Variants in CTNNBL1 observed in about 807,000 individuals in gnomAD.
The protein encoded by CTNNBL1 is beta-catenin-like protein 1.
In CTNNBL1, 31 loss-of-function variants were observed where a neutral mutation model predicts 72.7. That is an observed-to-expected ratio of 0.43 (90% confidence interval 0.32 to 0.58). The LOEUF (loss-of-function observed/expected upper bound fraction) is 0.58, where lower values mean the gene tolerates loss of function less well. Among genes scored for constraint, CTNNBL1 ranks in the 20% least tolerant of loss-of-function variants. CTNNBL1 has a pLI of 0.08. For synonymous variants in CTNNBL1, 240 were observed against 267.3 expected (o/e 0.90, Z 1.00); for missense variants, 534 against 725.1 (o/e 0.74, Z 3.03).
At chr20:37,727,275 T>A in intron 1 of CTNNBL1, 1 of 895,534 alleles carries the variant, frequency 1.1e-6, no homozygotes, top group South Asian at 5.1e-5. Flanking sequence ...AAAGCTTTCA[T>A]GAAGATGTCT....
chr20:37,777,050 T>C (rs2073579858), intron 7 of CTNNBL1, among the ~76,000 whole-genome samples: 1 of 152,226 alleles, frequency 6.6e-6, no homozygotes, highest in Non-Finnish European at 1.5e-5. Flanking sequence ...ATTTGGGTAC[T>C]ATGGGCTAGA....
At chr20:37,758,363 G>A (rs1403388581) in intron 5 of CTNNBL1, among the ~76,000 whole-genome samples, 1 of 152,240 alleles carries the variant, frequency 6.6e-6, no homozygotes, top group Non-Finnish European at 1.5e-5. Context: ...CTAACCCAGA[G>A]GAGTTGGTCT....
At chr20:37,743,420 A>G (rs1025613011) in intron 3 of CTNNBL1, among the ~76,000 whole-genome samples, 2 of 152,078 alleles carry the variant, frequency 1.3e-5, no homozygotes, top group East Asian at 1.9e-4. Flanking sequence ...AAAATAATCT[A>G]TTTGCAAGCA....
chr20:37,790,579 A>G (rs2073715354), intron 10 of CTNNBL1, among the ~76,000 whole-genome samples: 1 of 152,164 alleles, frequency 6.6e-6, no homozygotes, highest in African/African-American at 2.4e-5. Context: ...CCTGTTCTCT[A>G]GGAACCAGAA....
chr20:37,820,435 C>G (rs540004152), intron 11 of CTNNBL1, among the ~76,000 whole-genome samples: 11 of 152,298 alleles, frequency 7.2e-5, no homozygotes, highest in African/African-American at 2.6e-4. Flanking sequence ...ATTCTTGCCA[C>G]TCTACAGTCT....
intron 1 of CTNNBL1, among the ~76,000 whole-genome samples, chr20:37,697,075 T>TG (rs1299521769): frequency 6.6e-6 from 1 of 151,612 alleles, no homozygotes; most frequent in Non-Finnish European, 1.5e-5. Context: ...CCCAGCTACT[T>TG]GGGAGGCTGA....
chr20:37,799,187 G>A (rs1364670803), intron 10 of CTNNBL1, among the ~76,000 whole-genome samples: 5 of 151,978 alleles, frequency 3.3e-5, no homozygotes, highest in African/African-American at 9.7e-5. Context: ...ACCCCCAAGC[G>A]GTGTCATTCC....
chr20:37,871,246 A>G lies in CTNNBL1; in HGVS notation c.1604-679A>G, dbSNP rs1180443645. On this transcript the variant is annotated intron_variant, in intron 15 of 15. Coordinates refer to ENST00000361383, the MANE Select transcript of CTNNBL1 (RefSeq NM_030877.5). ...TGCTGCTGCTGCTGCTCGGGTCCAC[A>G]CTCAGAACCACTCACCCAGAGCAGT... Among the ~76,000 whole-genome samples the G allele has an allele frequency of 2.6e-5, 4 of 152,088 alleles. No individual in the cohort carries two copies. The East Asian group carries it at 7.7e-4, about 29-fold the overall frequency.
intron 13 of CTNNBL1, among the ~76,000 whole-genome samples, chr20:37,853,139 G>C (rs1366380608): frequency 1.3e-5 from 2 of 152,184 alleles, no homozygotes; most frequent in African/African-American, 4.8e-5. Flanking sequence ...GTCCCCATGT[G>C]CTAAGGAGGT....
chr20:37,745,726 C>T (rs2073255926), intron 3 of CTNNBL1, among the ~76,000 whole-genome samples: 1 of 152,172 alleles, frequency 6.6e-6, no homozygotes, highest in Non-Finnish European at 1.5e-5. Context: ...CAGATTAGCT[C>T]ATTTCCATCT....
chr20:37,702,928 T>A (rs373549780), intron 1 of CTNNBL1, among the ~76,000 whole-genome samples: 21 of 152,318 alleles, frequency 1.4e-4, no homozygotes, highest in African/African-American at 5.1e-4. Context: ...TCTGGAAAGC[T>A]CTTGTTCTAC....
In CTNNBL1 at chr20:37,831,613, G is replaced by A. The variant is rs143041599; in HGVS notation, c.1214-8489G>A. 4.2e-3 allele frequency among the ~76,000 whole-genome samples: 641 copies of A among 152,166 alleles called. 4 individuals are homozygous for A. Among genetic ancestry groups the A allele is most frequent in the African/African-American group, 0.015 (603 of 41,518 alleles). Reference sequence around the variant, plus strand: ...GATCTCCTAACCTTGTGATCTGCCCGCCTCGGCCTCCCAAAGTGCTGGGAT... The same window carrying A: ...GATCTCCTAACCTTGTGATCTGCCCACCTCGGCCTCCCAAAGTGCTGGGAT... On this transcript the variant is annotated intron_variant, in intron 11 of 15. Transcript: ENST00000361383.
chr20:37,849,795 G>A (rs1028039076), intron 13 of CTNNBL1, among the ~76,000 whole-genome samples: 1 of 152,160 alleles, frequency 6.6e-6, no homozygotes, highest in Non-Finnish European at 1.5e-5. Context: ...ATAAATCCTG[G>A]CTCTGACTCC....
At chr20:37,823,170 C>T (rs1348410809) in intron 11 of CTNNBL1, among the ~76,000 whole-genome samples, 1 of 152,156 alleles carries the variant, frequency 6.6e-6, no homozygotes, top group Admixed American at 6.5e-5. Flanking sequence ...GAATGTGGTC[C>T]TGAAGCATTT....
Position 37,860,239 on chromosome 20 carries a change from CT to C in CTNNBL1, c.1531-30del, listed in dbSNP as rs750034837. 7 of 1,589,660 alleles carry C rather than the reference CT, an allele frequency of 4.4e-6. No individual in the cohort carries two copies. In the East Asian group the frequency reaches 1.6e-4, roughly 35 times the overall value. On this transcript the variant is annotated intron_variant, in intron 14 of 15. Transcript: ENST00000361383. ...CTGGTGTGTCAGGACAAATGGTTGT[CT>C]TTCTTTCTCTACCCATTTTTTCCCT...
At chr20:37,804,808 C>T (rs530581736) in intron 11 of CTNNBL1, among the ~76,000 whole-genome samples, 2 of 152,360 alleles carry the variant, frequency 1.3e-5, no homozygotes, top group East Asian at 3.9e-4. Context: ...AGCTGCTTTT[C>T]TTCTGAAAAA....
intron 7 of CTNNBL1, among the ~76,000 whole-genome samples, chr20:37,774,467 C>T (rs1203504829): frequency 6.6e-6 from 1 of 152,266 alleles, no homozygotes; most frequent in East Asian, 1.9e-4. Context: ...TATCGGGCCT[C>T]ATCATTTTGG....
intron 9 of CTNNBL1, among the ~76,000 whole-genome samples, chr20:37,778,066 C>A (rs2073591562): frequency 6.6e-6 from 1 of 152,126 alleles, no homozygotes; most frequent in Non-Finnish European, 1.5e-5. Context: ...TCCTTTCAAT[C>A]TGCTGTGAAA....
chr20:37,834,070 T>C (rs1227382645), intron 11 of CTNNBL1, among the ~76,000 whole-genome samples: 3 of 152,186 alleles, frequency 2.0e-5, no homozygotes, highest in Non-Finnish European at 4.4e-5. Flanking sequence ...TAGTATACCA[T>C]TGCAGTTGAT....
Sources: allele counts gnomAD v4.1 joint callset (sites outside exome capture counted in the v4.1 genomes callset), GRCh38; gene constraint gnomAD v4.1.1; transcripts MANE v1.5; gene names NCBI Gene and HGNC (gene_info 2026-07-23, HGNC 2026-07-21).